PELI2: variants seen among roughly 807,000 people sequenced by gnomAD.
PELI2 encodes the protein E3 ubiquitin-protein ligase pellino homolog 2.
PELI2 carries 23 observed loss-of-function variants against 42.3 expected under a neutral mutation model. The ratio of observed to expected loss-of-function variants is 0.54; its 90% confidence interval spans 0.39 to 0.77. The LOEUF (loss-of-function observed/expected upper bound fraction) is 0.77. Among genes scored for constraint, PELI2 ranks in the 30% least tolerant of loss-of-function variants. The pLI, the probability that PELI2 is intolerant of heterozygous loss-of-function variation, is 0.00. For missense variants in PELI2, 463 were observed against 553.2 expected (o/e 0.84, Z 1.64); for synonymous variants, 245 against 212.2 (o/e 1.15, Z -1.34).
chr14:56,144,735 A>G (rs977200806), intron 1 of PELI2, among the ~76,000 whole-genome samples: 40 of 152,234 alleles, frequency 2.6e-4, no homozygotes, highest in Admixed American at 2.4e-3. Flanking sequence ...TTGTAAAGAC[A>G]TGATGAATGT....
At chr14:56,206,998 G>A (rs1302657023) in intron 2 of PELI2, among the ~76,000 whole-genome samples, 1 of 152,188 alleles carries the variant, frequency 6.6e-6, no homozygotes, top group East Asian at 1.9e-4. Flanking sequence ...AGTTTTCAGT[G>A]ATTACATGGG....
intron 1 of PELI2, among the ~76,000 whole-genome samples, chr14:56,124,094 A>G (rs933835580): frequency 6.6e-6 from 1 of 152,232 alleles, no homozygotes; most frequent in African/African-American, 2.4e-5. Context: ...AGGTTAGAAT[A>G]ATTCAGTTAT....
intron 2 of PELI2, among the ~76,000 whole-genome samples, chr14:56,231,246 C>T (rs1317444899): frequency 6.6e-6 from 1 of 152,166 alleles, no homozygotes; most frequent in Non-Finnish European, 1.5e-5. Context: ...CTCAGCCCTG[C>T]ACCAAGCAGA....
chr14:56,220,949 G>T (rs922165093), intron 2 of PELI2, among the ~76,000 whole-genome samples: 6 of 152,126 alleles, frequency 3.9e-5, no homozygotes, highest in Non-Finnish European at 1.5e-5. Context: ...TGTCCTTTCA[G>T]CAGTGCTGTG....
At chr14:56,228,737 T>C (rs1887450817) in intron 2 of PELI2, among the ~76,000 whole-genome samples, 1 of 152,206 alleles carries the variant, frequency 6.6e-6, no homozygotes, top group Non-Finnish European at 1.5e-5. Context: ...ACCAGGTTCA[T>C]CTCACTGGGG....
intron 5 of PELI2, among the ~76,000 whole-genome samples, chr14:56,293,783 T>A (rs1400421319): frequency 6.6e-6 from 1 of 152,164 alleles, no homozygotes; most frequent in Non-Finnish European, 1.5e-5. Flanking sequence ...CAAGGGTATG[T>A]GGAAAATAAA....
At chr14:56,202,281 A>C (rs1749327238) in intron 2 of PELI2, among the ~76,000 whole-genome samples, 1 of 152,222 alleles carries the variant, frequency 6.6e-6, no homozygotes, top group Non-Finnish European at 1.5e-5. Flanking sequence ...TAGTAAAAAA[A>C]TACTTGAGGG....
intron 2 of PELI2, among the ~76,000 whole-genome samples, chr14:56,184,769 C>G (rs1449416273): frequency 6.6e-6 from 1 of 151,952 alleles, no homozygotes; most frequent in Non-Finnish European, 1.5e-5. Context: ...TATATTAAGA[C>G]TTGGTTTGCC....
intron 2 of PELI2, among the ~76,000 whole-genome samples, chr14:56,272,981 T>A (rs759195050): frequency 1.3e-5 from 2 of 152,206 alleles, no homozygotes; most frequent in Non-Finnish European, 2.9e-5. Flanking sequence ...AAGCTGATTG[T>A]TTCAGTTGTC....
chr14:56,200,547 A>T (rs1388826410), intron 2 of PELI2, among the ~76,000 whole-genome samples: 1 of 152,242 alleles, frequency 6.6e-6, no homozygotes, highest in Non-Finnish European at 1.5e-5. Flanking sequence ...ATGACGACCA[A>T]GAAGGAAGGA....
chr14:56,262,634 G>A (rs1330404898), intron 2 of PELI2, among the ~76,000 whole-genome samples: 2 of 152,136 alleles, frequency 1.3e-5, no homozygotes, highest in African/African-American at 2.4e-5. Context: ...CTGTGCCACG[G>A]CTTTCCTCTT....
chr14:56,159,623 A>G (rs1884683641), intron 1 of PELI2, among the ~76,000 whole-genome samples: 1 of 152,172 alleles, frequency 6.6e-6, no homozygotes, highest in Non-Finnish European at 1.5e-5. Context: ...ATCAAAAATT[A>G]CTGCAGGGCA....
At chr14:56,228,626 C>A (rs1306865463) in intron 2 of PELI2, among the ~76,000 whole-genome samples, 1 of 152,156 alleles carries the variant, frequency 6.6e-6, no homozygotes, top group African/African-American at 2.4e-5. Context: ...TAAAAAATGG[C>A]TAGGTGGGTT....
intron 2 of PELI2, among the ~76,000 whole-genome samples, chr14:56,213,218 GA>G (rs1340948454): frequency 1.3e-5 from 2 of 152,228 alleles, no homozygotes; most frequent in African/African-American, 4.8e-5. Context: ...GATGGAAATG[GA>G]AACTGTCAGG....
chr14:56,163,385 G>A (rs1884837595), intron 1 of PELI2, among the ~76,000 whole-genome samples: 1 of 152,042 alleles, frequency 6.6e-6, no homozygotes, highest in Non-Finnish European at 1.5e-5. Context: ...TTCACTGTGG[G>A]TGTGTGGATT....
chr14:56,197,177 A>G lies in PELI2; in HGVS notation c.207+18713A>G, dbSNP rs1886159676. Among the ~76,000 whole-genome samples the G allele has an allele frequency of 1.3e-5, 2 of 152,338 alleles. No homozygotes were observed. Among genetic ancestry groups the G allele is most frequent in the South Asian group, 2.1e-4 (1 of 4,822 alleles). On this transcript the variant is annotated intron_variant, in intron 2 of 5. Transcript: ENST00000267460. The surrounding 1 kb of genome is among the most constrained non-coding windows in gnomAD (Gnocchi z 4.9). ...GTCAGAGGCAGGCAATAAATAAGAA[A>G]TCAAACAAATAAATATATAATATTC...
chr14:56,206,151 G>T (rs1886511960), intron 2 of PELI2, among the ~76,000 whole-genome samples: 1 of 152,194 alleles, frequency 6.6e-6, no homozygotes, highest in Non-Finnish European at 1.5e-5. Context: ...GACCTAATTA[G>T]AACAAATGGT....
At position 56,288,791 on chromosome 14, in the gene PELI2, TA is replaced by T. The variant is rs1889726594; in HGVS notation, c.507+162del. On this transcript the variant is annotated intron_variant, in intron 4 of 5. Transcript: ENST00000267460. This position sits in a 1 kb window ranked among gnomAD's most constrained non-coding sequence, Gnocchi z 4.6. ...GTGGCCAGTTTGAGAAACTTGTTAT[TA>T]AAAATCTGAACATTAATAAGCATTG... is the stretch of plus-strand genomic sequence containing the variant. Among the ~76,000 whole-genome samples, 1 of 152,232 alleles carries T rather than the reference TA, an allele frequency of 6.6e-6. No homozygotes were observed. Among genetic ancestry groups the T allele is most frequent in the Admixed American group, 6.5e-5 (1 of 15,288 alleles).
chr14:56,143,302 A>G (rs1883985332), intron 1 of PELI2, among the ~76,000 whole-genome samples: 1 of 152,260 alleles, frequency 6.6e-6, no homozygotes, highest in Non-Finnish European at 1.5e-5. Context: ...ACAGCAGGAT[A>G]CACTGCATAC....
Sources: allele counts gnomAD v4.1 joint callset (sites outside exome capture counted in the v4.1 genomes callset), GRCh38; gene constraint gnomAD v4.1.1; non-coding constraint Gnocchi (gnomAD v3.1); transcripts MANE v1.5; gene names NCBI Gene and HGNC (gene_info 2026-07-23, HGNC 2026-07-21).